NDUFV2: variants seen among roughly 807,000 people sequenced by gnomAD.
NDUFV2 encodes NADH:ubiquinone oxidoreductase core subunit V2.
NDUFV2 carries 18 observed loss-of-function variants against 31.6 expected under a neutral mutation model. That is an observed-to-expected ratio of 0.57 (90% CI 0.39 to 0.84). The LOEUF (loss-of-function observed/expected upper bound fraction) is 0.84, where lower values mean the gene tolerates loss of function less well. NDUFV2 is among the 40% of genes least tolerant of loss of function. NDUFV2 has a pLI of 0.00. For synonymous variants in NDUFV2, 83 were observed against 99.8 expected (o/e 0.83, Z 1.01); for missense variants, 314 against 303.6 (o/e 1.03, Z -0.26).
rs750706147 is a variant in NDUFV2, at chr18:9,124,966, A to G, written c.562A>G (p.Ile188Val). The change falls in exon 6 of 8, where the codon ATA becomes GTA. Residue 188 changes from isoleucine (I) to valine (V), a missense_variant. Ile to Val is a conservative substitution (Grantham distance 29). Transcript: ENST00000318388. ...CTGTGTGAACGCACCAATGGTTCAAATAAATGACAATTACTATGTGAGTAT... is the reference window on the plus strand; with the variant it reads ...CTGTGTGAACGCACCAATGGTTCAAGTAAATGACAATTACTATGTGAGTAT... Reference protein sequence around the residue: ...GACVNAPMVQINDNYYEDLTA... With the variant: ...GACVNAPMVQVNDNYYEDLTA... 5.6e-6 allele frequency: 9 copies of G among 1,613,682 alleles called. No individual in the cohort carries two copies. The Admixed American group carries it at 1.2e-4, about 21-fold the overall frequency.
chr18:9,123,882 G>C (rs2077962637), intron 5 of NDUFV2, among the ~76,000 whole-genome samples: 1 of 152,194 alleles, frequency 6.6e-6, no homozygotes, highest in African/African-American at 2.4e-5. Flanking sequence ...TTTACAAGAA[G>C]TAGAATTGTA....
chr18:9,105,235 T>TA (rs1242945220), intron 1 of NDUFV2, among the ~76,000 whole-genome samples: 3 of 152,252 alleles, frequency 2.0e-5, no homozygotes, highest in African/African-American at 7.2e-5. Flanking sequence ...AAAGATTATT[T>TA]ACGCTTTCAA....
intron 1 of NDUFV2, chr18:9,112,855 A>G (rs1424920202): frequency 6.6e-6 from 1 of 152,244 alleles, no homozygotes; most frequent in African/African-American, 2.4e-5. Context: ...GCAAGGCTAC[A>G]TATTATAGTA....
intron 5 of NDUFV2, among the ~76,000 whole-genome samples, chr18:9,124,012 G>C (rs2077963873): frequency 6.6e-6 from 1 of 152,064 alleles, no homozygotes; most frequent in Non-Finnish European, 1.5e-5. Context: ...TGCCAAATCT[G>C]ATAATGTGAC....
At chr18:9,125,997 C>CT (rs1458086081) in intron 6 of NDUFV2, among the ~76,000 whole-genome samples, 1 of 152,196 alleles carries the variant, frequency 6.6e-6, no homozygotes, top group Admixed American at 6.5e-5. Context: ...CCTTGCCCCT[C>CT]TAAGCTTTGA....
rs916275872 is a variant in NDUFV2 at position 9,104,300 on chromosome 18, G to T, written c.54+1503G>T. On this transcript the variant is annotated intron_variant, in intron 1 of 7. Coordinates refer to ENST00000318388, the MANE Select transcript of NDUFV2 (RefSeq NM_021074.5). The stretch of plus-strand genomic sequence containing the variant: ...GGAGCTCCTGGCGTGCCATACTAAA[G>T]AATTTGATTTTAGAGGCCGTCAGGA... 9.3e-6 allele frequency: 15 copies of T among 1,609,742 alleles called. No homozygotes were observed. In the East Asian group the frequency reaches 1.3e-4, roughly 14 times the overall value.
chr18:9,123,362 A>AT (rs2077956772), intron 5 of NDUFV2, among the ~76,000 whole-genome samples: 1 of 152,044 alleles, frequency 6.6e-6, no homozygotes, highest in Non-Finnish European at 1.5e-5. Context: ...TAACAATTGG[A>AT]TATATTAGTT....
At position 9,117,920 on chromosome 18, in the gene NDUFV2, A is replaced by G. The variant is rs1246884261; in HGVS notation, c.120+17A>G. 6.5e-7 allele frequency: 1 copy of G among 1,544,596 alleles called. No homozygotes were observed. The highest frequency in any genetic ancestry group is 9.0e-7 in the Non-Finnish European group (1 of 1,117,156). On this transcript the variant is annotated intron_variant, in intron 2 of 7. Transcript: ENST00000318388. ...TTATTTGTGGTAAGTAATTACTTAG[A>G]TTTCTTTGGAAAGAAAAGACTTGGA...
At chr18:9,125,853 G>A (rs12457266) in intron 6 of NDUFV2, among the ~76,000 whole-genome samples, 26 of 151,988 alleles carry the variant, frequency 1.7e-4, no homozygotes, top group Non-Finnish European at 2.9e-4. Context: ...CTGTTCCTCC[G>A]GTGTGAAAGG....
chr18:9,118,397 C>T (rs1249713489), intron 2 of NDUFV2, among the ~76,000 whole-genome samples: 2 of 151,630 alleles, frequency 1.3e-5, no homozygotes, highest in Non-Finnish European at 2.9e-5. Flanking sequence ...TTATATCTCC[C>T]TTTTCTGACA....
chr18:9,109,306 AAAG>A (rs772137881), intron 1 of NDUFV2, among the ~76,000 whole-genome samples: 3 of 152,230 alleles, frequency 2.0e-5, no homozygotes, highest in African/African-American at 4.8e-5. Flanking sequence ...ATAAAGGAAA[AAAG>A]AAGGGTTTTT....
chr18:9,103,691 C>A (rs796230706), intron 1 of NDUFV2: 5 of 155,506 alleles, frequency 3.2e-5, no homozygotes, highest in African/African-American at 1.2e-4. Flanking sequence ...GCTTAACTGC[C>A]TTTTGTGGCT....
chr18:9,104,956 ATT>A, intron 1 of NDUFV2: 1 of 1,554,784 alleles, frequency 6.4e-7, no homozygotes, highest in South Asian at 1.2e-5. Context: ...CTTACAGACA[ATT>A]TGTTTCTACA....
chr18:9,128,054 A>C (rs545102527), intron 7 of NDUFV2, among the ~76,000 whole-genome samples: 19 of 152,182 alleles, frequency 1.2e-4, no homozygotes, highest in African/African-American at 2.4e-5. Context: ...TATGTGTTCA[A>C]TCACTCAAAA....
chr18:9,129,806 T>G (rs1247812820), intron 7 of NDUFV2, among the ~76,000 whole-genome samples: 4 of 152,208 alleles, frequency 2.6e-5, no homozygotes, highest in African/African-American at 9.6e-5. Context: ...ATAAGTAATC[T>G]GGGCTGAATC....
chr18:9,118,019 G>T, intron 2 of NDUFV2, 116 bp downstream of exon 2: 1 of 740,650 alleles, frequency 1.4e-6, no homozygotes, highest in Non-Finnish European at 2.4e-6. Flanking sequence ...TGGTCATCGT[G>T]AGAATTTACA....
At position 9,124,880 on chromosome 18, in the gene NDUFV2, A is replaced by T. The variant is rs951475426; in HGVS notation, c.476A>T (p.Lys159Met). 1.2e-6 allele frequency: 2 copies of T among 1,611,490 alleles called. No individual in the cohort carries two copies. Among genetic ancestry groups the T allele is most frequent in the South Asian group, 1.1e-5 (1 of 90,994 alleles). Reference sequence around the variant, plus strand: ...TGTTTATTTGTATTTTTAGGAATAAAGGTTGGGGAGACTACACCTGACAAA... The same window carrying T: ...TGTTTATTTGTATTTTTAGGAATAATGGTTGGGGAGACTACACCTGACAAA... ...LEAIQKKLGI[K>M]VGETTPDKLF... Residue 159 changes from lysine (K) to methionine (M), a missense_variant, in exon 6 of 8, where the codon AAG becomes ATG. Lys to Met is a moderately conservative substitution (Grantham distance 95). Transcript: ENST00000318388.
intron 7 of NDUFV2, among the ~76,000 whole-genome samples, chr18:9,128,400 C>G (rs1279076042): frequency 6.6e-6 from 1 of 152,150 alleles, no homozygotes; most frequent in Non-Finnish European, 1.5e-5. Context: ...CTAGCTGGCC[C>G]CTGTTGACCA....
intron 7 of NDUFV2, among the ~76,000 whole-genome samples, chr18:9,128,243 T>G (rs1468759843): frequency 2.0e-5 from 3 of 152,238 alleles, no homozygotes; most frequent in Admixed American, 6.5e-5. Context: ...AATATTTTTC[T>G]TAAGCTTTAT....
Sources: gnomAD v4.1 joint callset for allele counts (sites outside exome capture counted in the v4.1 genomes callset) on GRCh38, gnomAD v4.1.1 for gene constraint, MANE v1.5 for transcripts, NCBI Gene and HGNC (gene_info 2026-07-23, HGNC 2026-07-21) for gene names.